LIG3: variants seen among roughly 807,000 people sequenced by gnomAD.
LIG3 encodes the protein ligase II, DNA, ATP-dependent.
LIG3 carries 58 observed loss-of-function variants against 110.9 expected under a neutral mutation model. The observed-to-expected ratio is 0.52, with a 90% CI of 0.42 to 0.65. The LOEUF (loss-of-function observed/expected upper bound fraction) is 0.65. Among genes scored for constraint, LIG3 ranks in the 30% least tolerant of loss-of-function variants. LIG3 has a pLI of 0.00. For missense variants in LIG3, 1,094 were observed against 1,273.8 expected, an observed-to-expected ratio of 0.86 and a Z score of 2.15; for synonymous variants, 422 against 472.8, an observed-to-expected ratio of 0.89 and a Z score of 1.39.
rs1282380042 is a variant in LIG3, at chr17:35,009,196, CAAGT to C, written c.*4695_*4698del. The C allele has an allele frequency of 2.6e-5, 4 of 152,704 alleles. No homozygotes were observed. The East Asian group carries it at 7.7e-4, about 29-fold the overall frequency. 9.5% of individuals were successfully genotyped at this position (152,704 alleles called of 1,614,324 possible). ...ACACATTTGGGTTTGCTTTAACCTC[CAAGT>C]AAGTCTGAGAAAATCTTAATAAAAG... On this transcript the variant is annotated 3_prime_UTR_variant, in exon 20 of 20. Coordinates refer to ENST00000378526, the MANE Select transcript of LIG3 (RefSeq NM_013975.4).
chr17:35,002,350 G>C (rs534911292), intron 18 of LIG3, among the ~76,000 whole-genome samples: 75 of 152,272 alleles, frequency 4.9e-4, no homozygotes, highest in African/African-American at 1.8e-3. Context: ...TCTGACCAGG[G>C]AATAAGCTAC....
chr17:34,998,531 A>G (rs1379725608), intron 13 of LIG3, 73 bp from the exon 14 acceptor site: 19 of 1,566,510 alleles, frequency 1.2e-5, no homozygotes, highest in Non-Finnish European at 1.7e-5. Flanking sequence ...TCTGGTGTGT[A>G]GCAGTGAAGG....
intron 10 of LIG3, 170 bp from the exon 11 acceptor site, chr17:34,996,404 T>C: frequency 1.3e-6 from 1 of 791,382 alleles, no homozygotes; most frequent in Non-Finnish European, 2.0e-6. Flanking sequence ...CTGGGTTGGT[T>C]TCCATTTAGC....
At chr17:34,998,170 C>T in intron 12 of LIG3, 49 bp from the exon 13 acceptor site, 1 of 1,453,010 alleles carries the variant, frequency 6.9e-7, no homozygotes, top group Non-Finnish European at 9.5e-7. Context: ...CACTCACTCA[C>T]CACCTTCTCC....
chr17:34,991,900 G>T (rs1360792520), intron 6 of LIG3, 58 bp from the exon 7 acceptor site: 2 of 1,612,286 alleles, frequency 1.2e-6, no homozygotes, highest in African/African-American at 1.3e-5. Flanking sequence ...GGAAGGGAAG[G>T]TTCCCTTGGG....
rs771777319 is a variant in LIG3 at position 35,004,489 on chromosome 17, C to T, written c.3013C>T (p.Leu1005=). The T allele has an allele frequency of 6.2e-7, 1 of 1,613,806 alleles. No homozygotes were observed. Among genetic ancestry groups the T allele is most frequent in the Non-Finnish European group, 8.5e-7 (1 of 1,179,714 alleles). The change falls in exon 20 of 20, where the codon CTG becomes TTG. Residue 1005 remains leucine, a synonymous_variant. Coordinates refer to ENST00000378526, the MANE Select transcript of LIG3 (RefSeq NM_013975.4). ...WIWACIRKRR[L]VAPC Reference sequence around the variant, plus strand: ...TTGGGCATGTATCCGGAAACGGAGACTGGTAGCTCCCTGCTAGGTTTGCTG... The same window carrying T: ...TTGGGCATGTATCCGGAAACGGAGATTGGTAGCTCCCTGCTAGGTTTGCTG...
chr17:34,981,847 C>A (rs892371330), intron 1 of LIG3, among the ~76,000 whole-genome samples: 1 of 152,208 alleles, frequency 6.6e-6, no homozygotes, highest in Non-Finnish European at 1.5e-5. Context: ...TAAGAAGATG[C>A]TGATATAATC....
chr17:34,996,102 TG>T lies in LIG3; in HGVS notation c.1655del (p.Gly552AlafsTer4). On this transcript the variant is annotated frameshift_variant, in exon 10 of 20. Transcript: ENST00000378526. LOFTEE classifies it high-confidence loss of function. ...FKDYIPQAFP[G>X]GHSMILDSEV... is the part of the protein sequence containing the mutation. ...AGGACTACATTCCCCAGGCTTTTCC[TG>T]GGGGCCACAGCATGATCTTGGATTC... 1.9e-6 allele frequency: 3 copies of T among 1,614,156 alleles called. No homozygotes were observed. The African/African-American group carries it at 4.0e-5, about 22-fold the overall frequency.
chr17:35,002,602 G>T, intron 18 of LIG3, 66 bp from the exon 19 acceptor site: 2 of 1,539,958 alleles, frequency 1.3e-6, no homozygotes, highest in African/African-American at 1.4e-5. Context: ...GAGTTGAATT[G>T]ATCCTCCCGA....
chr17:34,999,827 T>C lies in LIG3; in HGVS notation c.2302T>C (p.Tyr768His), dbSNP rs200981995. Residue 768 changes from tyrosine to histidine, a missense_variant, in exon 16 of 20, where the codon TAT becomes CAT. Physicochemically the swap from Tyr to His is moderately conservative, Grantham distance 83. Coordinates refer to ENST00000378526, the MANE Select transcript of LIG3 (RefSeq NM_013975.4). ...CTGGTTGAAGGTCAACAAGATCTAC[T>C]ATCCTGACTTCATCGTCCCAGACCC... ...PSWLKVNKIY[Y>H]PDFIVPDPKK... is the part of the protein sequence containing the mutation. 1,228 of 1,614,104 alleles carry C rather than the reference T, an allele frequency of 7.6e-4. 3 individuals carry two copies. Among genetic ancestry groups the C allele is most frequent in the Non-Finnish European group, 4.2e-4 (492 of 1,179,970 alleles).
chr17:34,984,812 CTG>C (rs1208204603), intron 2 of LIG3, among the ~76,000 whole-genome samples: 5 of 150,868 alleles, frequency 3.3e-5, no homozygotes, highest in Non-Finnish European at 1.5e-5. Flanking sequence ...GAGTCTCACT[CTG>C]TGACCCAGGC....
chr17:34,986,758 C>G (rs538764247), intron 3 of LIG3, among the ~76,000 whole-genome samples: 1 of 152,166 alleles, frequency 6.6e-6, no homozygotes, highest in African/African-American at 2.4e-5. Flanking sequence ...CTTTTACTTC[C>G]TTGTGTTTTG....
At chr17:35,010,414 A>G (rs1458844263), downstream of LIG3, 1 of 152,236 alleles carries the variant, frequency 6.6e-6, no homozygotes, top group Non-Finnish European at 1.5e-5. Flanking sequence ...TGAGGGCTCA[A>G]ATACATCACC....
Position 34,989,485 on chromosome 17 carries a change from G to A in LIG3, c.711G>A (p.Gly237=). 6.2e-7 allele frequency: 1 copy of A among 1,613,906 alleles called. No individual in the cohort carries two copies. The highest frequency in any genetic ancestry group is 8.5e-7 in the Non-Finnish European group (1 of 1,179,970). The change falls in exon 4 of 20, where the codon GGG becomes GGA. Residue 237 remains glycine (G), a synonymous_variant. Coordinates refer to ENST00000378526, the MANE Select transcript of LIG3 (RefSeq NM_013975.4). ...CAACAGCCAAGCCCAACAACTCTGG[G>A]GAAGCCCCCTCGAGCCCCACCCCTA... ...SGFSAKPNNS[G]EAPSSPTPKR... is the part of the protein sequence containing the mutation.
At chr17:34,991,464 G>A (rs985181420) in intron 5 of LIG3, 8 of 613,386 alleles carry the variant, frequency 1.3e-5, no homozygotes, top group East Asian at 5.6e-5. Context: ...TGGTTTGTCC[G>A]TGACTCTATC....
Position 35,005,051 on chromosome 17 carries a change from AT to A in LIG3, c.*552del, listed in dbSNP as rs1326914890. 6.6e-6 allele frequency: 2 copies of A among 302,036 alleles called. No individual in the cohort carries two copies. The highest frequency in any genetic ancestry group is 1.3e-5 in the Non-Finnish European group (2 of 152,770). 18.7% of individuals were successfully genotyped at this position (302,036 alleles called of 1,614,324 possible). On this transcript the variant is annotated 3_prime_UTR_variant, in exon 20 of 20. Coordinates refer to ENST00000378526, the MANE Select transcript of LIG3 (RefSeq NM_013975.4). ...CCTCATGTGAAAGAAAACAAAATGA[AT>A]TTTTTTACTTTCTTCTCTGTGTTCT...
At chr17:34,987,914 G>T (rs2090674300) in intron 3 of LIG3, among the ~76,000 whole-genome samples, 1 of 152,102 alleles carries the variant, frequency 6.6e-6, no homozygotes, top group South Asian at 2.1e-4. Context: ...AAAATTCTGG[G>T]CCGGGCGCGG....
chr17:35,006,022 A>G lies in LIG3; in HGVS notation c.*1516A>G. 3.9e-6 allele frequency: 1 copy of G among 253,292 alleles called. No homozygotes were observed. Among genetic ancestry groups the G allele is most frequent in the Non-Finnish European group, 7.7e-6 (1 of 129,782 alleles). 15.7% of individuals were successfully genotyped at this position (253,292 alleles called of 1,614,324 possible). ...TTCTTCTTAGTTTTTAATTTCTTAAAGAAAATATACTCCATATCTGCAGGG... is the reference window on the plus strand; with the variant it reads ...TTCTTCTTAGTTTTTAATTTCTTAAGGAAAATATACTCCATATCTGCAGGG... On this transcript the variant is annotated 3_prime_UTR_variant, in exon 20 of 20. Coordinates refer to ENST00000378526, the MANE Select transcript of LIG3 (RefSeq NM_013975.4).
chr17:34,981,485 C>T (rs1189379901), intron 1 of LIG3: 1 of 152,212 alleles, frequency 6.6e-6, no homozygotes, highest in Non-Finnish European at 1.5e-5. Flanking sequence ...TTTTAGAGAG[C>T]TCAGAACAGC....
Sources: gnomAD v4.1 joint callset for allele counts (sites outside exome capture counted in the v4.1 genomes callset) on GRCh38, gnomAD v4.1.1 for gene constraint, MANE v1.5 for transcripts, NCBI Gene and HGNC (gene_info 2026-07-23, HGNC 2026-07-21) for gene names.